The following PPP4R2 variants were observed in gnomAD, a reference collection of about 807,000 sequenced individuals.
PPP4R2 encodes the protein serine/threonine-protein phosphatase 4 regulatory subunit 2.
In PPP4R2, 13 loss-of-function variants were observed where a neutral mutation model predicts 47.2. The observed-to-expected ratio is 0.28, with a 90% confidence interval of 0.18 to 0.44. The LOEUF (loss-of-function observed/expected upper bound fraction) is 0.44, where lower values mean the gene tolerates loss of function less well. Ranked by LOEUF, PPP4R2 falls within the 20% of genes least tolerant of loss-of-function variation. PPP4R2 has a pLI of 1.00. For synonymous variants in PPP4R2, 151 were observed against 163.3 expected, an observed-to-expected ratio of 0.92 and a Z score of 0.57; for missense variants, 421 against 491.2, an observed-to-expected ratio of 0.86 and a Z score of 1.35.
chr3:73,044,598 C>T (rs6803983), intron 2 of PPP4R2, among the ~76,000 whole-genome samples: 1 of 152,072 alleles, frequency 6.6e-6, no homozygotes, highest in Non-Finnish European at 1.5e-5. Flanking sequence ...AGGAAAGTTT[C>T]AGTTTCTCTA....
At position 73,065,810 on chromosome 3, in the gene PPP4R2, A is replaced by C; in HGVS notation, c.*88A>C. 1 of 836,130 alleles carries C rather than the reference A, an allele frequency of 1.2e-6. No individual in the cohort carries two copies. The highest frequency in any genetic ancestry group is 2.0e-5 in the South Asian group (1 of 49,114). 51.8% of individuals were successfully genotyped at this position (836,130 alleles called of 1,614,324 possible). A position where few individuals can be genotyped will look rare whatever the true frequency, so the allele number is the denominator to read the frequency against. On this transcript the variant is annotated 3_prime_UTR_variant, in exon 9 of 9. Coordinates refer to ENST00000356692, the MANE Select transcript of PPP4R2 (RefSeq NM_174907.4). ...CTTTTGTGTAATAAAATGGACCTTT[A>C]GTTTTACAAGAGAAGCAGGTTGTAA... is the stretch of plus-strand genomic sequence containing the variant.
intron 2 of PPP4R2, among the ~76,000 whole-genome samples, chr3:73,001,441 G>A (rs1227888332): frequency 6.7e-6 from 1 of 149,908 alleles, no homozygotes; most frequent in Non-Finnish European, 1.5e-5. Context: ...GCATGCGCCT[G>A]TAGTCCCAGC....
chr3:73,038,750 G>A (rs1702316644), intron 2 of PPP4R2, among the ~76,000 whole-genome samples: 1 of 152,138 alleles, frequency 6.6e-6, no homozygotes, highest in Non-Finnish European at 1.5e-5. Flanking sequence ...AGGGAGAGGT[G>A]GATGAATAGG....
chr3:73,002,773 C>T (rs1266691787), intron 2 of PPP4R2, among the ~76,000 whole-genome samples: 4 of 151,174 alleles, frequency 2.6e-5, no homozygotes, highest in Admixed American at 1.3e-4. Flanking sequence ...TCGTGAGTAG[C>T]TGGGATTACA....
intron 3 of PPP4R2, among the ~76,000 whole-genome samples, chr3:73,055,318 TGAA>T (rs1702708307): frequency 6.6e-6 from 1 of 152,126 alleles, no homozygotes; most frequent in Admixed American, 6.6e-5. Context: ...TGATAATCTT[TGAA>T]GTGTACTTGT....
chr3:73,028,433 A>G (rs1381610743), intron 2 of PPP4R2, among the ~76,000 whole-genome samples: 2 of 151,822 alleles, frequency 1.3e-5, no homozygotes, highest in Admixed American at 6.6e-5. Flanking sequence ...CAGCCGTGCA[A>G]TATATAGAAG....
chr3:73,067,662 C>G lies in PPP4R2; in HGVS notation c.*1940C>G, dbSNP rs1015072517. ...AATTGTCAGTAAACTTACCTAAGATCCTGTGACCTTTTGATATTTTTTATT... is the reference window on the plus strand; with the variant it reads ...AATTGTCAGTAAACTTACCTAAGATGCTGTGACCTTTTGATATTTTTTATT... On this transcript the variant is annotated 3_prime_UTR_variant, in exon 9 of 9. Transcript: ENST00000356692. The G allele has an allele frequency of 6.6e-6, 1 of 152,040 alleles. No homozygotes were observed. Among genetic ancestry groups the G allele is most frequent in the African/African-American group, 2.4e-5 (1 of 41,414 alleles). 9.4% of individuals were successfully genotyped at this position (152,040 alleles called of 1,614,324 possible).
chr3:73,063,806 G>C, intron 6 of PPP4R2, 59 bp downstream of exon 6: 1 of 1,262,688 alleles, frequency 7.9e-7, no homozygotes, highest in African/African-American at 1.5e-5. Flanking sequence ...TTGAGTAGCA[G>C]GCTTAGTGTA....
At chr3:73,063,572 T>C (rs2107346161) in intron 5 of PPP4R2, 101 bp from the exon 6 acceptor site, 1 of 669,020 alleles carries the variant, frequency 1.5e-6, no homozygotes, top group Non-Finnish European at 2.7e-6. Context: ...TGCAGTGAGC[T>C]GAGATTGCAC....
At chr3:73,064,675 T>C (rs141091027) in intron 7 of PPP4R2, among the ~76,000 whole-genome samples, 177 bp from the exon 8 acceptor site, 5 of 152,346 alleles carry the variant, frequency 3.3e-5, no homozygotes, top group Admixed American at 1.3e-4. Context: ...CTGGGAATTA[T>C]TCATCAAACA....
At chr3:73,049,929 ATTTTGTTTTG>A (rs917754133) in intron 3 of PPP4R2, among the ~76,000 whole-genome samples, 2 of 151,962 alleles carry the variant, frequency 1.3e-5, no homozygotes, top group Non-Finnish European at 2.9e-5. Context: ...GTATTTTGAA[ATTTTGTTTTG>A]TTTTGTTTTA....
At chr3:73,055,758 G>A (rs554071432) in intron 3 of PPP4R2, among the ~76,000 whole-genome samples, 4 of 149,524 alleles carry the variant, frequency 2.7e-5, no homozygotes, top group South Asian at 4.2e-4. Flanking sequence ...AACCTCCACC[G>A]CCCAGGTTCA....
intron 2 of PPP4R2, among the ~76,000 whole-genome samples, chr3:73,021,846 A>ATGTGTG (rs1350655364): frequency 1.7e-5 from 2 of 120,832 alleles, no homozygotes; most frequent in African/African-American, 7.8e-5. Context: ...TTACATTTCT[A>ATGTGTG]TATGTGTGTG....
intron 3 of PPP4R2, among the ~76,000 whole-genome samples, chr3:73,050,756 T>C (rs568205881): frequency 3.3e-5 from 5 of 152,232 alleles, no homozygotes; most frequent in Non-Finnish European, 7.3e-5. Context: ...CTACATTGTT[T>C]TCTATTATGT....
At chr3:73,032,214 C>T (rs947603217) in intron 2 of PPP4R2, among the ~76,000 whole-genome samples, 2 of 152,040 alleles carry the variant, frequency 1.3e-5, no homozygotes, top group East Asian at 1.9e-4. Context: ...TCTTTTTCTC[C>T]TGAGAGACAC....
chr3:73,048,409 G>A (rs1333630439), intron 3 of PPP4R2, among the ~76,000 whole-genome samples: 2 of 151,786 alleles, frequency 1.3e-5, no homozygotes, highest in Non-Finnish European at 2.9e-5. Context: ...TGCGCGCCAC[G>A]GTGCTCGGCT....
chr3:73,003,347 G>A (rs1701522650), intron 2 of PPP4R2, among the ~76,000 whole-genome samples: 1 of 151,886 alleles, frequency 6.6e-6, no homozygotes, highest in Non-Finnish European at 1.5e-5. Flanking sequence ...GAGTAGCTGG[G>A]GTTACTGGCA....
intron 2 of PPP4R2, among the ~76,000 whole-genome samples, chr3:73,009,155 T>A (rs1193964483): frequency 6.6e-6 from 1 of 152,202 alleles, no homozygotes; most frequent in African/African-American, 2.4e-5. Context: ...ATAGATGATC[T>A]CCAAGGTTCC....
intron 2 of PPP4R2, among the ~76,000 whole-genome samples, chr3:73,005,061 C>T (rs142149064): frequency 7.8e-4 from 119 of 151,638 alleles, no homozygotes; most frequent in Non-Finnish European, 1.3e-3. Flanking sequence ...CCGCAATCTC[C>T]GCCTCCCAGT....
Sources: allele counts gnomAD v4.1 joint callset (sites outside exome capture counted in the v4.1 genomes callset), GRCh38; gene constraint gnomAD v4.1.1; transcripts MANE v1.5; gene names NCBI Gene and HGNC (gene_info 2026-07-23, HGNC 2026-07-21).